The following PRDM2 variants were observed in gnomAD, a reference collection of about 807,000 sequenced individuals.
PRDM2 encodes PR domain zinc finger protein 2.
In PRDM2, 30 loss-of-function variants were observed where a neutral mutation model predicts 130.0. The ratio of observed to expected loss-of-function variants is 0.23; its 90% CI spans 0.17 to 0.31. PRDM2 has a LOEUF of 0.31. Ranked by LOEUF, PRDM2 falls within the 10% of genes least tolerant of loss-of-function variation. The pLI, the probability that PRDM2 is intolerant of heterozygous loss-of-function variation, is 1.00. For synonymous variants in PRDM2, 871 were observed against 782.4 expected, an observed-to-expected ratio of 1.11 and a Z score of -1.89; for missense variants, 2,011 against 2,108.4, an observed-to-expected ratio of 0.95 and a Z score of 0.90.
chr1:13,765,700 C>T (rs1404823864), intron 6 of PRDM2, among the ~76,000 whole-genome samples: 6 of 152,268 alleles, frequency 3.9e-5, no homozygotes, highest in East Asian at 3.9e-4. Flanking sequence ...CTCCTGACCT[C>T]GTGTTCTGCC....
chr1:13,748,346 G>A (rs1357023118), intron 5 of PRDM2, among the ~76,000 whole-genome samples: 1 of 152,138 alleles, frequency 6.6e-6, no homozygotes, highest in African/African-American at 2.4e-5. Flanking sequence ...GCCAAATGGC[G>A]CTTTTCTAAT....
At chr1:13,782,852 G>C (rs749327256) in intron 8 of PRDM2, 21 bp downstream of exon 8, 1 of 1,608,320 alleles carries the variant, frequency 6.2e-7, no homozygotes, top group Non-Finnish European at 8.5e-7. Context: ...GAGCTGGTGG[G>C]AGGGAAAGAC....
In PRDM2 at chr1:13,771,163, C is replaced by T. The variant is rs181892132; in HGVS notation, c.512-1915C>T. On this transcript the variant is annotated intron_variant, in intron 6 of 9. Transcript: ENST00000311066. This position sits in a 1 kb window ranked among gnomAD's most constrained non-coding sequence, Gnocchi z 4.1. ...AAAGGGAGAAAGAGTCACAAGAGGA[C>T]GTTATGCCTGTGGAAAGGTGCTTAG... is the stretch of plus-strand genomic sequence containing the variant. Among the ~76,000 whole-genome samples, 19 of 152,254 alleles carry T rather than the reference C, an allele frequency of 1.2e-4. 1 individual carries two copies. Among genetic ancestry groups the T allele is most frequent in the Admixed American group, 7.8e-4 (12 of 15,294 alleles).
intron 2 of PRDM2, among the ~76,000 whole-genome samples, chr1:13,717,681 CTT>C (rs33938157): frequency 0.18 from 26,722 of 148,572 alleles, 2,857 homozygotes; most frequent in Admixed American, 0.24. Flanking sequence ...ATAACTACTA[CTT>C]TTTTTTTTTT....
intron 6 of PRDM2, among the ~76,000 whole-genome samples, chr1:13,766,794 A>G (rs1557633634): frequency 6.6e-6 from 1 of 152,208 alleles, no homozygotes; most frequent in Non-Finnish European, 1.5e-5. Flanking sequence ...CTAGAGTTAC[A>G]TATAGTTTTA....
chr1:13,756,796 C>T (rs534702793), intron 6 of PRDM2, among the ~76,000 whole-genome samples: 4 of 152,204 alleles, frequency 2.6e-5, no homozygotes, highest in Non-Finnish European at 5.9e-5. Context: ...CAGTTACACT[C>T]GTTTCTAGCA....
Position 13,780,733 on chromosome 1 carries a change from T to C in PRDM2, c.2938T>C (p.Leu980=). Residue 980 remains leucine (L), a synonymous_variant, in exon 8 of 10, where the codon TTA becomes CTA. Coordinates refer to ENST00000311066, the MANE Select transcript of PRDM2 (RefSeq NM_001393986.1). Reference sequence around the variant, plus strand: ...TTCCCCTCCACCCTGTCCCCCGGTATTAACTGTTGCCACTCCGCCCCCTCC... The same window carrying C: ...TTCCCCTCCACCCTGTCCCCCGGTACTAACTGTTGCCACTCCGCCCCCTCC... ...PSSPPPCPPV[L]TVATPPPPLL... is the part of the protein sequence containing the mutation. 6.4e-7 allele frequency: 1 copy of C among 1,563,976 alleles called. No homozygotes were observed. Among genetic ancestry groups the C allele is most frequent in the Non-Finnish European group, 8.7e-7 (1 of 1,150,800 alleles).
rs1408364816 is a variant in PRDM2, at chr1:13,765,175, GTGCCCCCATCA to G, written c.512-7902_512-7892del. On this transcript the variant is annotated intron_variant, in intron 6 of 9. Transcript: ENST00000311066. ...AAGCATTTCTGGTTGAGGCACACTG[GTGCCCCCATCA>G]GTCCTTCTGCCCAAGTCTCCCAGTT... Among the ~76,000 whole-genome samples, 520 of 152,310 alleles carry G rather than the reference GTGCCCCCATCA, an allele frequency of 3.4e-3. 3 individuals carry two copies. Among genetic ancestry groups the G allele is most frequent in the African/African-American group, 0.012 (502 of 41,576 alleles).
At chr1:13,808,958 CT>C (rs1341315723) in intron 8 of PRDM2, among the ~76,000 whole-genome samples, 1 of 114,784 alleles carries the variant, frequency 8.7e-6, no homozygotes, top group African/African-American at 3.4e-5. Flanking sequence ...GTTGGAATCA[CT>C]GAAGAGCTTA....
chr1:13,776,456 T>C (rs1474192785), intron 7 of PRDM2, among the ~76,000 whole-genome samples: 2 of 152,210 alleles, frequency 1.3e-5, no homozygotes, highest in Non-Finnish European at 2.9e-5. Context: ...GAAACCGCGA[T>C]TACAGCTTCC....
intron 6 of PRDM2, among the ~76,000 whole-genome samples, chr1:13,754,842 G>A (rs1355026229): frequency 5.3e-5 from 8 of 152,218 alleles, no homozygotes; most frequent in African/African-American, 1.9e-4. Context: ...GATGTGGAGT[G>A]CTTGGACATG....
intron 8 of PRDM2, among the ~76,000 whole-genome samples, chr1:13,783,491 G>T (rs1013627387): frequency 6.6e-6 from 1 of 152,202 alleles, no homozygotes; most frequent in South Asian, 2.1e-4. Flanking sequence ...GACCCTTGCA[G>T]CTCTTTCAGG....
intron 4 of PRDM2, among the ~76,000 whole-genome samples, chr1:13,737,097 A>G (rs928462807): frequency 2.6e-5 from 4 of 152,230 alleles, no homozygotes; most frequent in Non-Finnish European, 4.4e-5. Flanking sequence ...ATTGCAGGCA[A>G]GAAGAGAAGT....
chr1:13,767,989 A>G (rs1644267271), intron 6 of PRDM2, among the ~76,000 whole-genome samples: 1 of 152,134 alleles, frequency 6.6e-6, no homozygotes, highest in South Asian at 2.1e-4. Context: ...CCCTGTCTCA[A>G]AAGAAAAAGT....
intron 8 of PRDM2, chr1:13,787,477 C>G (rs1249525643): frequency 7.1e-6 from 7 of 985,038 alleles, no homozygotes; most frequent in Non-Finnish European, 8.4e-6. Flanking sequence ...GTTTTTTGTT[C>G]TCAACTTCAA....
chr1:13,775,235 CT>C (rs2100644715), intron 7 of PRDM2, among the ~76,000 whole-genome samples: 1 of 152,328 alleles, frequency 6.6e-6, no homozygotes, highest in Admixed American at 6.5e-5. Flanking sequence ...GTTTATGTTA[CT>C]TTGGACAGTT....
intron 8 of PRDM2, among the ~76,000 whole-genome samples, chr1:13,790,300 T>C (rs569634522): frequency 6.6e-6 from 1 of 152,340 alleles, no homozygotes; most frequent in South Asian, 2.1e-4. Flanking sequence ...GGCATCCTTA[T>C]AATTATCCTG....
Position 13,779,410 on chromosome 1 carries a change from G to A in PRDM2, c.1615G>A (p.Val539Ile). The A allele has an allele frequency of 6.2e-7, 1 of 1,614,162 alleles. No individual in the cohort carries two copies. The highest frequency in any genetic ancestry group is 8.5e-7 in the Non-Finnish European group (1 of 1,180,028). The change falls in exon 8 of 10, where the codon GTA (valine) becomes ATA (isoleucine). Residue 539 changes from valine (V) to isoleucine (I), a missense_variant. Val to Ile is a conservative substitution (Grantham distance 29). Transcript: ENST00000311066. The surrounding 1 kb of genome is among the most constrained non-coding windows in gnomAD (Gnocchi z 4.9). ...EQAQATQNVYVPSTEPEEEGE... is the reference protein window; with the variant it reads ...EQAQATQNVYIPSTEPEEEGE... ...GGCCCAGGCCACCCAGAACGTGTATGTACCAAGCACAGAGCCGGAGGAGGA... is the reference window on the plus strand; with the variant it reads ...GGCCCAGGCCACCCAGAACGTGTATATACCAAGCACAGAGCCGGAGGAGGA...
intron 5 of PRDM2, among the ~76,000 whole-genome samples, chr1:13,747,890 C>T (rs1643663255): frequency 6.6e-6 from 1 of 151,984 alleles, no homozygotes; most frequent in Non-Finnish European, 1.5e-5. Flanking sequence ...CTAATATGTA[C>T]ACCTTACTCA....
Sources: allele counts gnomAD v4.1 joint callset (sites outside exome capture counted in the v4.1 genomes callset), GRCh38; gene constraint gnomAD v4.1.1; non-coding constraint Gnocchi (gnomAD v3.1); transcripts MANE v1.5; gene names NCBI Gene and HGNC (gene_info 2026-07-23, HGNC 2026-07-21).